Variants in CNOT8 observed in about 807,000 individuals in gnomAD.
The protein encoded by CNOT8 is CAF1-like protein.
In CNOT8, 18 loss-of-function variants were observed where a neutral mutation model predicts 34.6. The observed-to-expected ratio is 0.52, with a 90% CI of 0.36 to 0.77. The LOEUF (loss-of-function observed/expected upper bound fraction) is 0.77, where lower values mean the gene tolerates loss of function less well. Among genes scored for constraint, CNOT8 ranks in the 30% least tolerant of loss-of-function variants. CNOT8 has a pLI of 0.00. For synonymous variants in CNOT8, 101 were observed against 118.8 expected (o/e 0.85, Z 0.98); for missense variants, 189 against 347.9 (o/e 0.54, Z 3.63).
intron 3 of CNOT8, among the ~76,000 whole-genome samples, chr5:154,869,873 T>G (rs1043979301): frequency 6.6e-6 from 1 of 152,170 alleles, no homozygotes; most frequent in African/African-American, 2.4e-5. Context: ...TCCGCCCACC[T>G]TGGCCTCCCA....
chr5:154,859,259 AGAG>A (rs1561672781), intron 1 of CNOT8: 1 of 152,248 alleles, frequency 6.6e-6, no homozygotes, highest in African/African-American at 2.4e-5. Context: ...ATAAACGAGA[AGAG>A]AATGATGATG....
Position 154,864,374 on chromosome 5 carries a change from C to T in CNOT8, c.118-818C>T, listed in dbSNP as rs529423628. 7.1e-4 allele frequency among the ~76,000 whole-genome samples: 108 copies of T among 151,898 alleles called. 1 individual carries two copies. The highest frequency in any genetic ancestry group is 5.2e-4 in the Admixed American group (8 of 15,244). The stretch of plus-strand genomic sequence containing the variant: ...ACTCGGGAGGCTGAGGCAGAGAATG[C>T]GTGAACCCGGGAGGCAGAGCTTGCA... On this transcript the variant is annotated intron_variant, in intron 2 of 6. Transcript: ENST00000285896.
Position 154,865,245 on chromosome 5 carries a change from C to G in CNOT8, c.171C>G (p.Ser57=). Residue 57 remains serine (S), a synonymous_variant, in exon 3 of 7, where the codon TCC becomes TCG. Transcript: ENST00000285896. The stretch of plus-strand genomic sequence containing the variant: ...GACCAATTGGTGAATTTCGTAGTTC[C>G]ATAGATTACCAATATCAGCTTCTGC... ...VVRPIGEFRS[S]IDYQYQLLRC... 10 of 1,610,124 alleles carry G rather than the reference C, an allele frequency of 6.2e-6. No individual in the cohort carries two copies. Among genetic ancestry groups the G allele is most frequent in the Non-Finnish European group, 8.5e-6 (10 of 1,179,084 alleles).
At chr5:154,866,411 A>C (rs1022737286) in intron 3 of CNOT8, among the ~76,000 whole-genome samples, 2 of 151,870 alleles carry the variant, frequency 1.3e-5, no homozygotes, top group East Asian at 3.9e-4. Flanking sequence ...GGAAGGAGTA[A>C]TTTTTTTTAT....
At chr5:154,864,087 G>A (rs1354420746) in intron 2 of CNOT8, among the ~76,000 whole-genome samples, 1 of 152,084 alleles carries the variant, frequency 6.6e-6, no homozygotes, top group Non-Finnish European at 1.5e-5. Context: ...CTCCAGTCCC[G>A]ATTACTTGTA....
In CNOT8 at chr5:154,863,322, T is replaced by C; in HGVS notation, c.44T>C (p.Val15Ala). ...LVENSQVICE[V>A]WASNLEEEMR... ...GAGAATAGCCAGGTTATCTGTGAAG[T>C]GTGGGCCAGTAATCTAGAAGAAGAG... The change falls in exon 2 of 7, where the codon GTG becomes GCG. Residue 15 changes from valine (V) to alanine (A), a missense_variant. Around this residue, in one of 2 missense-constraint regions of CNOT8, gnomAD observed 160 missense variants for 321.9 expected, o/e 0.50. Coordinates refer to ENST00000285896, the MANE Select transcript of CNOT8 (RefSeq NM_001301073.2). 2 of 1,614,130 alleles carry C rather than the reference T, an allele frequency of 1.2e-6. No homozygotes were observed. Among genetic ancestry groups the C allele is most frequent in the Admixed American group, 1.7e-5 (1 of 60,014 alleles).
intron 4 of CNOT8, 124 bp from the exon 5 acceptor site, chr5:154,871,603 AACT>A (rs1176382768): frequency 1.2e-6 from 1 of 814,762 alleles, no homozygotes; most frequent in African/African-American, 1.7e-5. Flanking sequence ...TAGTACGATA[AACT>A]ACTCAGAAAA....
chr5:154,874,224 T>C (rs1762736077), intron 6 of CNOT8, among the ~76,000 whole-genome samples: 1 of 151,900 alleles, frequency 6.6e-6, no homozygotes, highest in Non-Finnish European at 1.5e-5. Flanking sequence ...ATGGAAAGTA[T>C]GTTCAGATAG....
At chr5:154,869,141 TAG>T (rs1399177081) in intron 3 of CNOT8, among the ~76,000 whole-genome samples, 3 of 151,672 alleles carry the variant, frequency 2.0e-5, no homozygotes, top group African/African-American at 7.3e-5. Context: ...TTTTTTGAGA[TAG>T]AGTTTCGCTC....
At chr5:154,863,440 T>C (rs1310283411) in intron 2 of CNOT8, 45 bp downstream of exon 2, 1 of 1,418,734 alleles carries the variant, frequency 7.0e-7, no homozygotes, top group East Asian at 2.3e-5. Flanking sequence ...ACTTTTAAAG[T>C]TGGGGTCTTG....
At chr5:154,868,085 C>T (rs1306364027) in intron 3 of CNOT8, among the ~76,000 whole-genome samples, 1 of 151,304 alleles carries the variant, frequency 6.6e-6, no homozygotes, top group Non-Finnish European at 1.5e-5. Flanking sequence ...TACAGGCGCC[C>T]ACCACCATGC....
intron 1 of CNOT8, among the ~76,000 whole-genome samples, chr5:154,862,245 G>A (rs1049003714): frequency 6.7e-6 from 1 of 149,150 alleles, no homozygotes; most frequent in Non-Finnish European, 1.5e-5. Flanking sequence ...AATACTGGCC[G>A]GTGGATCACA....
chr5:154,875,690 C>T lies in CNOT8; in HGVS notation c.*251C>T. The T allele has an allele frequency of 5.2e-6, 2 of 381,840 alleles. No homozygotes were observed. The highest frequency in any genetic ancestry group is 4.0e-5 in the South Asian group (1 of 24,774). 23.7% of individuals were successfully genotyped at this position (381,840 alleles called of 1,614,324 possible). On this transcript the variant is annotated 3_prime_UTR_variant, in exon 7 of 7. Transcript: ENST00000285896. ...TACTCGAGCCTCTCCTCTCTGGTTG[C>T]CTCCTGCCACCAGCATCCATGGCTC...
Position 154,863,282 on chromosome 5 carries a change from C to A in CNOT8, c.4C>A (p.Pro2Thr). M[P>T]AALVENSQVI... ...CGACTTCTCAGGTTTCTTCAGGATG[C>A]CTGCAGCACTTGTGGAGAATAGCCA... The change falls in exon 2 of 7, where the codon CCT (proline) becomes ACT (threonine). Residue 2 changes from proline (P) to threonine (T), a missense_variant. By Grantham distance (38) the Pro-to-Thr change is conservative. Transcript: ENST00000285896. 6.2e-7 allele frequency: 1 copy of A among 1,612,852 alleles called. No individual in the cohort carries two copies. The highest frequency in any genetic ancestry group is 8.5e-7 in the Non-Finnish European group (1 of 1,178,880).
chr5:154,866,276 G>C (rs769711126), intron 3 of CNOT8, among the ~76,000 whole-genome samples: 9 of 152,110 alleles, frequency 5.9e-5, no homozygotes, highest in Non-Finnish European at 1.2e-4. Flanking sequence ...ATCCTCCCAC[G>C]TCAGCCCCCT....
intron 6 of CNOT8, among the ~76,000 whole-genome samples, chr5:154,875,050 G>A (rs1028576706): frequency 1.3e-5 from 2 of 151,900 alleles, no homozygotes; most frequent in African/African-American, 4.8e-5. Context: ...CCAAGTAGCT[G>A]GGATTACAGG....
At chr5:154,875,211 C>G in intron 6 of CNOT8, 79 bp from the exon 7 acceptor site, 1 of 1,496,538 alleles carries the variant, frequency 6.7e-7, no homozygotes, top group Non-Finnish European at 9.1e-7. Flanking sequence ...GCCATTGCAC[C>G]CGGCCAGATG....
chr5:154,865,445 G>A, intron 3 of CNOT8, 60 bp downstream of exon 3: 2 of 1,283,350 alleles, frequency 1.6e-6, no homozygotes, highest in Non-Finnish European at 2.1e-6. Context: ...AATCCAGGTG[G>A]GTGTTGGATA....
In CNOT8 at chr5:154,875,380, G is replaced by GTGGACTCC; in HGVS notation, c.827_828insCTGGACTC (p.Ala277TrpfsTer8). On this transcript the variant is annotated frameshift_variant, in exon 7 of 7. Coordinates refer to ENST00000285896, the MANE Select transcript of CNOT8 (RefSeq NM_001301073.2). LOFTEE classifies it high-confidence loss of function. ...AGTGGCCCAGAAGCAGAATGAGGATGTGGACTCTGCCCAGGAGAAGATGAG... is the reference window on the plus strand; with the variant it reads ...AGTGGCCCAGAAGCAGAATGAGGATGTGGACTCCTGGACTCTGCCCAGGAGAAGATGAG... 3 of 1,614,114 alleles carry GTGGACTCC rather than the reference G, an allele frequency of 1.9e-6. No individual in the cohort carries two copies. The highest frequency in any genetic ancestry group is 2.5e-6 in the Non-Finnish European group (3 of 1,180,036).
Sources: allele counts gnomAD v4.1 joint callset (sites outside exome capture counted in the v4.1 genomes callset), GRCh38; gene constraint gnomAD v4.1.1; regional missense constraint gnomAD v4.1.1; transcripts MANE v1.5; gene names NCBI Gene and HGNC (gene_info 2026-07-23, HGNC 2026-07-21).